ZNF544: variants seen among roughly 807,000 people sequenced by gnomAD.
The protein encoded by ZNF544 is zinc finger protein 544.
ZNF544 carries 10 observed loss-of-function variants against 13.5 expected under a neutral mutation model. That is an observed-to-expected ratio of 0.74 (90% CI 0.46 to 1.25). The LOEUF is 1.25. Ranked by LOEUF, ZNF544 falls within the 50% of genes most tolerant of loss-of-function variation. The pLI, the probability that ZNF544 is intolerant of heterozygous loss-of-function variation, is 0.00. For missense variants in ZNF544, 896 were observed against 845.6 expected (o/e 1.06, Z -0.74); for synonymous variants, 323 against 300.5 (o/e 1.07, Z -0.77).
rs894839513 is a variant in ZNF544, at chr19:58,262,863, G to A, written c.*109G>A. 59 of 1,501,924 alleles carry A rather than the reference G, an allele frequency of 3.9e-5. No homozygotes were observed. The highest frequency in any genetic ancestry group is 2.7e-4 in the Admixed American group (12 of 43,664). 93.0% of individuals were successfully genotyped at this position (1,501,924 alleles called of 1,614,324 possible). ...TCAGTGTGACGTGTATTAAGCCAGC[G>A]GTTGTGACTCATTGAACATCAGAGG... is the stretch of plus-strand genomic sequence containing the variant. On this transcript the variant is annotated 3_prime_UTR_variant, in exon 7 of 7. Coordinates refer to ENST00000687789, the MANE Select transcript of ZNF544 (RefSeq NM_014480.4).
intron 6 of ZNF544, among the ~76,000 whole-genome samples, chr19:58,254,066 T>C (rs1298146037): frequency 6.6e-6 from 1 of 151,936 alleles, no homozygotes; most frequent in Non-Finnish European, 1.5e-5. Context: ...CTACTAAAAA[T>C]ACAAAAAATT....
chr19:58,267,460 G>A (rs1263691427), downstream of ZNF544, among the ~76,000 whole-genome samples: 1 of 151,886 alleles, frequency 6.6e-6, no homozygotes, highest in African/African-American at 2.4e-5. Context: ...CAGTACTTTG[G>A]GAGGCCGAGG....
Position 58,246,289 on chromosome 19 carries a change from G to A in ZNF544, c.34-12G>A, listed in dbSNP as rs1202133404. ...CTGGGGTCTCTGAGCAGTAACAAGT[G>A]CCCTGTTTCAGGCATCTGTGTGCTT... On this transcript the variant is annotated splice_polypyrimidine_tract_variant and intron_variant, in intron 4 of 6. Coordinates refer to ENST00000687789, the MANE Select transcript of ZNF544 (RefSeq NM_014480.4). 1 of 1,613,862 alleles carries A rather than the reference G, an allele frequency of 6.2e-7. No individual in the cohort carries two copies. Among genetic ancestry groups the A allele is most frequent in the East Asian group, 2.2e-5 (1 of 44,854 alleles).
rs1323333910 is a variant in ZNF544 at position 58,261,123 on chromosome 19, CTTCT to C, written c.518_521del (p.Leu173HisfsTer21). 1 of 1,614,110 alleles carries C rather than the reference CTTCT, an allele frequency of 6.2e-7. No homozygotes were observed. The highest frequency in any genetic ancestry group is 1.1e-5 in the South Asian group (1 of 91,084). ...TTATTCTCTACCTTCTACTTTAAGCCTTCTACCTACAACATTACCTACAAGTACA... is the reference window on the plus strand; with the variant it reads ...TTATTCTCTACCTTCTACTTTAAGCCACCTACAACATTACCTACAAGTACA... On this transcript the variant is annotated frameshift_variant, in exon 7 of 7. Coordinates refer to ENST00000687789, the MANE Select transcript of ZNF544 (RefSeq NM_014480.4). LOFTEE classifies it low-confidence loss of function (END_TRUNC).
chr19:58,252,966 C>G (rs1396751829), intron 6 of ZNF544, among the ~76,000 whole-genome samples: 4 of 152,146 alleles, frequency 2.6e-5, no homozygotes, highest in Non-Finnish European at 5.9e-5. Flanking sequence ...ATTACAGGCA[C>G]GTGCCGCCAC....
chr19:58,269,423 G>A (rs982303172), intron 5 of ZNF544, among the ~76,000 whole-genome samples: 4 of 145,992 alleles, frequency 2.7e-5, no homozygotes, highest in African/African-American at 7.6e-5. Context: ...GCGACAAAGC[G>A]AGACTCTGTC....
chr19:58,260,659 T>C, intron 6 of ZNF544, 192 bp from the exon 7 acceptor site: 1 of 546,390 alleles, frequency 1.8e-6, no homozygotes, highest in Non-Finnish European at 3.2e-6. Flanking sequence ...TGTTTGCTTG[T>C]ATTTTGCACT....
Position 58,261,532 on chromosome 19 carries a change from A to G in ZNF544, c.926A>G (p.Glu309Gly). 1 of 1,614,212 alleles carries G rather than the reference A, an allele frequency of 6.2e-7. No homozygotes were observed. Among genetic ancestry groups the G allele is most frequent in the Non-Finnish European group, 8.5e-7 (1 of 1,180,038 alleles). ...ECDECRETCS[E>G]SLCLVQTERS... ...GATGAGTGCAGGGAAACCTGTTCTGAGAGTCTGTGCCTTGTACAAACAGAA... is the reference window on the plus strand; with the variant it reads ...GATGAGTGCAGGGAAACCTGTTCTGGGAGTCTGTGCCTTGTACAAACAGAA... The change falls in exon 7 of 7, where the codon GAG (glutamate) becomes GGG (glycine). Residue 309 changes from glutamate (E) to glycine (G), a missense_variant. By Grantham distance (98) the Glu-to-Gly change is moderately conservative. Transcript: ENST00000687789.
At chr19:58,240,926 C>CTT (rs559244288) in intron 3 of ZNF544, among the ~76,000 whole-genome samples, 161 of 150,450 alleles carry the variant, frequency 1.1e-3, no homozygotes, top group African/African-American at 3.7e-3. Context: ...TTTTCTTTTT[C>CTT]TTTTTCTCCT....
At chr19:58,255,499 G>C (rs1034094918) in intron 6 of ZNF544, among the ~76,000 whole-genome samples, 1 of 152,198 alleles carries the variant, frequency 6.6e-6, no homozygotes, top group Non-Finnish European at 1.5e-5. Context: ...ATTTCTGTGA[G>C]ATTCAGGGAA....
At chr19:58,242,842 G>A (rs1174854464) in intron 3 of ZNF544, among the ~76,000 whole-genome samples, 1 of 152,080 alleles carries the variant, frequency 6.6e-6, no homozygotes, top group African/African-American at 2.4e-5. Context: ...GGGATTGCAG[G>A]CACACGTCAC....
chr19:58,231,619 G>A (rs1433362096), intron 3 of ZNF544, among the ~76,000 whole-genome samples: 7 of 152,004 alleles, frequency 4.6e-5, no homozygotes, highest in Admixed American at 4.6e-4. Flanking sequence ...GGCTTGTCTC[G>A]AACTTCTAGC....
At position 58,262,299 on chromosome 19, in the gene ZNF544, A is replaced by G. The variant is rs772242471; in HGVS notation, c.1693A>G (p.Ile565Val). Reference sequence around the variant, plus strand: ...CTTCAGATGGAACTCTAACCTCGTCATACATCAGAGAATTCATACTGGAGA... The same window carrying G: ...CTTCAGATGGAACTCTAACCTCGTCGTACATCAGAGAATTCATACTGGAGA... ...KSFRWNSNLV[I>V]HQRIHTGEKP... The change falls in exon 7 of 7, where the codon ATA (isoleucine) becomes GTA (valine). Residue 565 changes from isoleucine (I) to valine (V), a missense_variant. Physicochemically the swap from Ile to Val is conservative, Grantham distance 29. Transcript: ENST00000687789. The G allele has an allele frequency of 5.6e-6, 9 of 1,611,280 alleles. No individual in the cohort carries two copies. The highest frequency in any genetic ancestry group is 2.7e-5 in the African/African-American group (2 of 74,050).
intron 6 of ZNF544, chr19:58,258,552 GCAC>G: frequency 1.5e-5 from 1 of 65,750 alleles, no homozygotes; most frequent in South Asian, 2.9e-4. Flanking sequence ...GGGTGTGAGG[GCAC>G]CAGGTGTGAG....
At chr19:58,249,781 T>C (rs186419169) in intron 6 of ZNF544, among the ~76,000 whole-genome samples, 2 of 152,330 alleles carry the variant, frequency 1.3e-5, no homozygotes, top group Non-Finnish European at 2.9e-5. Flanking sequence ...CTGAGGCATC[T>C]ATTTGATTTC....
intron 6 of ZNF544, chr19:58,251,469 T>C: frequency 2.1e-6 from 1 of 477,634 alleles, no homozygotes; most frequent in Non-Finnish European, 4.2e-6. Flanking sequence ...CTGAAAATGG[T>C]CCCTTCCACT....
chr19:58,273,509 C>T (rs915660666), intron 5 of ZNF544, among the ~76,000 whole-genome samples: 13 of 151,468 alleles, frequency 8.6e-5, no homozygotes, highest in Non-Finnish European at 1.5e-4. Flanking sequence ...GCCAACAGGC[C>T]GAAACCCTGT....
rs2048998062 is a variant in ZNF544 at position 58,261,742 on chromosome 19, C to T, written c.1136C>T (p.Pro379Leu). 1 of 1,614,058 alleles carries T rather than the reference C, an allele frequency of 6.2e-7. No individual in the cohort carries two copies. Residue 379 changes from proline to leucine, a missense_variant, in exon 7 of 7, where the codon CCC becomes CTC. Pro to Leu is a moderately conservative substitution (Grantham distance 98, BLOSUM62 -3). Transcript: ENST00000687789. ...IHQRTHTGEK[P>L]FECTQCGKSF... Reference sequence around the variant, plus strand: ...CAGAGAACACACACTGGAGAAAAGCCCTTCGAATGTACTCAGTGTGGGAAA... The same window carrying T: ...CAGAGAACACACACTGGAGAAAAGCTCTTCGAATGTACTCAGTGTGGGAAA...
At chr19:58,256,979 T>A (rs1192161562) in intron 6 of ZNF544, among the ~76,000 whole-genome samples, 1 of 150,336 alleles carries the variant, frequency 6.7e-6, no homozygotes, top group Non-Finnish European at 1.5e-5. Context: ...TGGAGTGCAG[T>A]GGCACGATCT....
Sources: allele counts gnomAD v4.1 joint callset (sites outside exome capture counted in the v4.1 genomes callset), GRCh38; gene constraint gnomAD v4.1.1; transcripts MANE v1.5; gene names NCBI Gene and HGNC (gene_info 2026-07-23, HGNC 2026-07-21).